OTUD7B: variants seen among roughly 807,000 people sequenced by gnomAD.
OTUD7B encodes OTU deubiquitinase 7B.
A neutral mutation model predicts 82.2 loss-of-function variants in OTUD7B; 34 were observed. The observed-to-expected ratio is 0.41, with a 90% confidence interval of 0.31 to 0.55. The LOEUF (loss-of-function observed/expected upper bound fraction) is 0.55, where lower values mean the gene tolerates loss of function less well. Among genes scored for constraint, OTUD7B ranks in the 20% least tolerant of loss-of-function variants. OTUD7B has a pLI of 0.20. For missense variants in OTUD7B, 944 were observed against 1,062.1 expected, an observed-to-expected ratio of 0.89 and a Z score of 1.55; for synonymous variants, 398 against 402.7, an observed-to-expected ratio of 0.99 and a Z score of 0.14.
In OTUD7B at chr1:149,977,579, G is replaced by A; in HGVS notation, c.-66-3C>T. 2.8e-6 allele frequency: 3 copies of A among 1,088,818 alleles called. No individual in the cohort carries two copies. Among genetic ancestry groups the A allele is most frequent in the Non-Finnish European group, 4.3e-6 (3 of 702,534 alleles). 67.4% of individuals were successfully genotyped at this position (1,088,818 alleles called of 1,614,324 possible). A position where few individuals can be genotyped will look rare whatever the true frequency, so the allele number is the denominator to read the frequency against. ...TAGATCAAAATTCAGGCCTCCACCT[G>A]AGGAATAAATAAATACATAAGGCTC... On this transcript the variant is annotated splice_polypyrimidine_tract_variant and splice_region_variant and intron_variant, in intron 1 of 11. Transcript: ENST00000581312.
intron 1 of OTUD7B, among the ~76,000 whole-genome samples, chr1:150,004,960 T>C (rs888455139): frequency 2.0e-5 from 3 of 152,144 alleles, no homozygotes; most frequent in Non-Finnish European, 1.5e-5. Context: ...TCTCCTGGGT[T>C]CAAGTGATTC....
At chr1:149,990,010 T>G (rs1382514458) in intron 1 of OTUD7B, among the ~76,000 whole-genome samples, 1 of 152,236 alleles carries the variant, frequency 6.6e-6, no homozygotes, top group Non-Finnish European at 1.5e-5. Flanking sequence ...ACTCACATTT[T>G]AACTCTCCAA....
intron 6 of OTUD7B, among the ~76,000 whole-genome samples, chr1:149,960,374 TTTTTC>T (rs1649055377): frequency 9.7e-3 from 4 of 414 alleles, no homozygotes; most frequent in African/African-American, 0.012. Flanking sequence ...ATTTCTTTTC[TTTTTC>T]TTTTCTTTCC....
chr1:149,944,614 A>G lies in OTUD7B; in HGVS notation c.1775T>C (p.Val592Ala), dbSNP rs1553771523. The change falls in exon 12 of 12, where the codon GTG (valine) becomes GCG (alanine). Residue 592 changes from valine to alanine, a missense_variant. Around this residue, in one of 3 missense-constraint regions of OTUD7B, gnomAD observed 412 missense variants for 418.7 expected, o/e 0.98. Transcript: ENST00000581312. ...GNGGSKYSQE[V>A]MQSLSILRTA... Reference sequence around the variant, plus strand: ...CCTCAGAATGCTCAGGCTCTGCATCACCTCCTGGCTATACTTGCTCCCTCC... The same window carrying G: ...CCTCAGAATGCTCAGGCTCTGCATCGCCTCCTGGCTATACTTGCTCCCTCC... 6.2e-7 allele frequency: 1 copy of G among 1,613,160 alleles called. No individual in the cohort carries two copies. Among genetic ancestry groups the G allele is most frequent in the South Asian group, 1.1e-5 (1 of 91,020 alleles).
At position 149,970,958 on chromosome 1, in the gene OTUD7B, G is replaced by A. The variant is rs1461206987; in HGVS notation, c.274+105C>T. ...AGTCTGGGTTTGGCTGGGAGAAGGG[G>A]AAGAAATGGAATCACCTCCAATGGA... On this transcript the variant is annotated intron_variant, in intron 3 of 11. Coordinates refer to ENST00000581312, the MANE Select transcript of OTUD7B (RefSeq NM_020205.4). 4 of 1,090,264 alleles carry A rather than the reference G, an allele frequency of 3.7e-6. No homozygotes were observed. The African/African-American group carries it at 6.3e-5, about 17-fold the overall frequency. The allele number at this position is 1,090,264 out of a possible 1,614,324, so 67.5% of individuals were successfully genotyped here. A position where few individuals can be genotyped will look rare whatever the true frequency, so the allele number is the denominator to read the frequency against.
At chr1:149,977,616 G>C (rs587733266) in intron 1 of OTUD7B, 40 bp from the exon 2 acceptor site, 1 of 781,730 alleles carries the variant, frequency 1.3e-6, no homozygotes, top group Non-Finnish European at 2.2e-6. Flanking sequence ...AATTACACTG[G>C]AACAGGATAA....
At chr1:149,955,862 C>CT (rs1330071768) in intron 7 of OTUD7B, among the ~76,000 whole-genome samples, 2 of 151,966 alleles carry the variant, frequency 1.3e-5, no homozygotes, top group African/African-American at 4.8e-5. Flanking sequence ...GCAACCCCTG[C>CT]TTTTTTTTGT....
intron 1 of OTUD7B, among the ~76,000 whole-genome samples, chr1:149,996,906 AT>A (rs1264220102): frequency 6.6e-6 from 1 of 152,230 alleles, no homozygotes; most frequent in East Asian, 1.9e-4. Flanking sequence ...ATCATGGGCC[AT>A]ACCTAGGATG....
chr1:150,013,558 C>G (rs1653164297), upstream of OTUD7B, among the ~76,000 whole-genome samples: 1 of 151,958 alleles, frequency 6.6e-6, no homozygotes, highest in East Asian at 1.9e-4. Context: ...TTATACATGC[C>G]TAGGAACCTC....
chr1:150,008,704 C>T (rs1652825115), intron 1 of OTUD7B, among the ~76,000 whole-genome samples: 1 of 152,034 alleles, frequency 6.6e-6, no homozygotes, highest in African/African-American at 2.4e-5. Context: ...GATATCTGTT[C>T]AATTCTAAAT....
At chr1:149,951,661 C>T (rs923625668) in intron 7 of OTUD7B, among the ~76,000 whole-genome samples, 13 of 152,218 alleles carry the variant, frequency 8.5e-5, no homozygotes, top group African/African-American at 3.1e-4. Flanking sequence ...GATTTCTGGG[C>T]CTTACCTCTG....
chr1:150,037,693 G>T, the OTUD7B span, among the ~76,000 whole-genome samples: 1 of 152,084 alleles, frequency 6.6e-6, no homozygotes, highest in East Asian at 1.9e-4. Flanking sequence ...GGATTCAAGC[G>T]ATTCTCATGC....
chr1:150,067,581 G>A, the OTUD7B span: 2 of 445,650 alleles, frequency 4.5e-6, no homozygotes, highest in African/African-American at 2.0e-5. Flanking sequence ...CTGAGAGTCC[G>A]GGCCTCAGGC....
the OTUD7B span, among the ~76,000 whole-genome samples, chr1:150,018,967 A>G: frequency 6.6e-6 from 1 of 152,260 alleles, no homozygotes; most frequent in Non-Finnish European, 1.5e-5. Flanking sequence ...GCTACTCCTA[A>G]AATTAAAGCA....
chr1:150,012,314 C>T (rs1186188705), upstream of OTUD7B, among the ~76,000 whole-genome samples: 1 of 151,960 alleles, frequency 6.6e-6, no homozygotes, highest in Non-Finnish European at 1.5e-5. Flanking sequence ...AAAAGGGTGT[C>T]GTTCTAGAAA....
intron 7 of OTUD7B, among the ~76,000 whole-genome samples, chr1:149,952,457 C>A (rs1648337154): frequency 6.6e-6 from 1 of 152,110 alleles, no homozygotes; most frequent in Non-Finnish European, 1.5e-5. Context: ...CATTGTTGGA[C>A]ATTTGGGTTG....
the OTUD7B span, among the ~76,000 whole-genome samples, chr1:150,020,262 G>A: frequency 6.6e-6 from 1 of 152,094 alleles, no homozygotes; most frequent in Non-Finnish European, 1.5e-5. Context: ...CAGGCCAGGC[G>A]CAGTGGCTCA....
At position 149,943,887 on chromosome 1, in the gene OTUD7B, C is replaced by G; in HGVS notation, c.2502G>C (p.Pro834=). 2 of 1,614,224 alleles carry G rather than the reference C, an allele frequency of 1.2e-6. No individual in the cohort carries two copies. Among genetic ancestry groups the G allele is most frequent in the Non-Finnish European group, 1.7e-6 (2 of 1,180,048 alleles). ...REELRRRERE[P]DGELLVHRF is the part of the protein sequence containing the mutation. Reference sequence around the variant, plus strand: ...ACCTGTGCACCAGGAGCTCCCCATCCGGTTCCCGCTCCCTCCTCCTCAGTT... The same window carrying G: ...ACCTGTGCACCAGGAGCTCCCCATCGGGTTCCCGCTCCCTCCTCCTCAGTT... The change falls in exon 12 of 12, where the codon CCG becomes CCC. Residue 834 remains proline, a synonymous_variant. Coordinates refer to ENST00000581312, the MANE Select transcript of OTUD7B (RefSeq NM_020205.4).
the OTUD7B span, among the ~76,000 whole-genome samples, chr1:150,047,501 GT>G: frequency 1.3e-4 from 20 of 151,822 alleles, no homozygotes; most frequent in Non-Finnish European, 2.4e-4. Flanking sequence ...ATTTTTGTCT[GT>G]TTTTTTCAAT....
Sources: gnomAD v4.1 joint callset for allele counts (sites outside exome capture counted in the v4.1 genomes callset) on GRCh38, gnomAD v4.1.1 for gene constraint, gnomAD v4.1.1 regional missense constraint, MANE v1.5 for transcripts, NCBI Gene and HGNC (gene_info 2026-07-23, HGNC 2026-07-21) for gene names.